Variants in ANO5 observed in about 807,000 individuals in gnomAD.
ANO5 encodes anoctamin 5.
In ANO5, 109 loss-of-function variants were observed where a neutral mutation model predicts 121.0. That is an observed-to-expected ratio of 0.90 (90% CI 0.77 to 1.06). The LOEUF (loss-of-function observed/expected upper bound fraction) is 1.06, where lower values mean the gene tolerates loss of function less well. Ranked by LOEUF, ANO5 falls within the 50% of genes least tolerant of loss-of-function variation. ANO5 has a pLI of 0.00. For synonymous variants in ANO5, 406 were observed against 359.9 expected (o/e 1.13, Z -1.45); for missense variants, 1,064 against 1,078.5 (o/e 0.99, Z 0.19).
chr11:22,226,150 T>A, intron 6 of ANO5, 98 bp downstream of exon 6: 1 of 964,442 alleles, frequency 1.0e-6, no homozygotes, highest in South Asian at 1.4e-5. Flanking sequence ...TTGGGGGCAA[T>A]ACAATAGCTC....
At chr11:22,205,030 A>T (rs567296042) in intron 2 of ANO5, among the ~76,000 whole-genome samples, 1 of 152,286 alleles carries the variant, frequency 6.6e-6, no homozygotes, top group African/African-American at 2.4e-5. Context: ...AAATGACAAG[A>T]TCATGTCCTT....
chr11:22,222,942 G>C (rs897548070), intron 5 of ANO5, among the ~76,000 whole-genome samples: 6 of 151,894 alleles, frequency 4.0e-5, no homozygotes, highest in African/African-American at 1.5e-4. Flanking sequence ...CTGTCTTCAA[G>C]CTTAGCTGAT....
chr11:22,227,626 G>A (rs995753309), intron 7 of ANO5, 40 bp downstream of exon 7: 10 of 1,600,748 alleles, frequency 6.2e-6, no homozygotes, highest in African/African-American at 4.0e-5. Context: ...CTTCAAATAC[G>A]AGATGTATGC....
At chr11:22,276,024 T>C in intron 20 of ANO5, 70 bp from the exon 21 acceptor site, 1 of 1,040,482 alleles carries the variant, frequency 9.6e-7, no homozygotes. Flanking sequence ...TAAGAAATTA[T>C]GTGAGGTCTC....
intron 9 of ANO5, among the ~76,000 whole-genome samples, chr11:22,240,201 G>A (rs1468753094): frequency 2.0e-5 from 3 of 151,972 alleles, no homozygotes; most frequent in Non-Finnish European, 2.9e-5. Flanking sequence ...TCAGTGAGCT[G>A]TGAAGACATT....
rs764082792 is a variant in ANO5, at chr11:22,282,712, A to G, written c.*2947A>G. On this transcript the variant is annotated 3_prime_UTR_variant, in exon 22 of 22. Coordinates refer to ENST00000324559, the MANE Select transcript of ANO5 (RefSeq NM_213599.3). ...TCAATGTGACCACTATTATGTGTCA[A>G]AATAAAACTTAGATTCCAAAGTGGT... 1 of 152,194 alleles carries G rather than the reference A, an allele frequency of 6.6e-6. No homozygotes were observed. The highest frequency in any genetic ancestry group is 1.5e-5 in the Non-Finnish European group (1 of 68,010). The allele number at this position is 152,194 out of a possible 1,614,324, so 9.4% of individuals were successfully genotyped here. A position where few individuals can be genotyped will look rare whatever the true frequency, so the allele number is the denominator to read the frequency against.
rs886042217 is a variant in ANO5, at chr11:22,257,670, A to C, written c.1333-10A>C. ...TTTTGAATTTCTTTGTGATTTCTTC[A>C]ATATTACAGGAGATGGAACCTTACA... is the stretch of plus-strand genomic sequence containing the variant. On this transcript the variant is annotated splice_polypyrimidine_tract_variant and intron_variant, in intron 13 of 21. Transcript: ENST00000324559. The C allele has an allele frequency of 2.5e-6, 4 of 1,601,792 alleles. No individual in the cohort carries two copies. In the South Asian group the frequency reaches 3.3e-5, roughly 13 times the overall value.
intron 1 of ANO5, among the ~76,000 whole-genome samples, chr11:22,198,675 G>C (rs1403864519): frequency 6.6e-6 from 1 of 152,052 alleles, no homozygotes. Context: ...CTTAAGGTTT[G>C]CAGTTGCTTG....
At chr11:22,197,007 TAAG>T (rs1297334822) in intron 1 of ANO5, among the ~76,000 whole-genome samples, 11 of 152,256 alleles carry the variant, frequency 7.2e-5, no homozygotes, top group African/African-American at 2.2e-4. Flanking sequence ...TTTTAAAATA[TAAG>T]AAGACTTTTT....
In ANO5 at chr11:22,282,851, T is replaced by C. The variant is rs528691909; in HGVS notation, c.*3086T>C. 2.0e-5 allele frequency: 3 copies of C among 152,248 alleles called. No individual in the cohort carries two copies. Among genetic ancestry groups the C allele is most frequent in the African/African-American group, 7.2e-5 (3 of 41,566 alleles). The allele number at this position is 152,248 out of a possible 1,614,324, so 9.4% of individuals were successfully genotyped here. Reference sequence around the variant, plus strand: ...GGGAATCTATTGTTTTGAAAGAAACTCTCTCATATTTCCTTTAAATTGTTA... The same window carrying C: ...GGGAATCTATTGTTTTGAAAGAAACCCTCTCATATTTCCTTTAAATTGTTA... On this transcript the variant is annotated 3_prime_UTR_variant, in exon 22 of 22. Coordinates refer to ENST00000324559, the MANE Select transcript of ANO5 (RefSeq NM_213599.3).
chr11:22,225,860 T>A (rs1852808975), intron 5 of ANO5, 124 bp from the exon 6 acceptor site: 1 of 700,626 alleles, frequency 1.4e-6, no homozygotes, highest in Non-Finnish European at 2.5e-6. Flanking sequence ...AGCATTTTTA[T>A]ATACAACCAT....
intron 21 of ANO5, among the ~76,000 whole-genome samples, chr11:22,277,211 G>A (rs1426292317): frequency 1.3e-5 from 2 of 150,952 alleles, no homozygotes; most frequent in African/African-American, 2.4e-5. Context: ...AAAGAGAGAG[G>A]GGGAAAAAAA....
intron 18 of ANO5, among the ~76,000 whole-genome samples, chr11:22,271,376 C>T (rs948538899): frequency 6.6e-6 from 1 of 152,164 alleles, no homozygotes; most frequent in Admixed American, 6.5e-5. Flanking sequence ...CCTTTCAAGG[C>T]CCATAAAACC....
At chr11:22,278,597 G>C (rs547607677) in intron 21 of ANO5, among the ~76,000 whole-genome samples, 2 of 149,588 alleles carry the variant, frequency 1.3e-5, no homozygotes, top group East Asian at 3.9e-4. Flanking sequence ...TCATGTTTAA[G>C]AGTGTGGAAG....
intron 2 of ANO5, among the ~76,000 whole-genome samples, chr11:22,204,348 TACAA>T (rs1337512193): frequency 6.6e-6 from 1 of 152,102 alleles, no homozygotes; most frequent in African/African-American, 2.4e-5. Context: ...TTAAGAACCA[TACAA>T]ACAATTTATA....
At chr11:22,200,741 A>G (rs956156912) in intron 1 of ANO5, among the ~76,000 whole-genome samples, 1 of 152,194 alleles carries the variant, frequency 6.6e-6, no homozygotes. Flanking sequence ...TATTATTATA[A>G]AACTTTAAAT....
intron 13 of ANO5, among the ~76,000 whole-genome samples, chr11:22,256,296 T>C (rs1354590208): frequency 6.6e-6 from 1 of 152,158 alleles, no homozygotes; most frequent in African/African-American, 2.4e-5. Flanking sequence ...GAGAATAATA[T>C]GTGTCCTAAA....
At chr11:22,258,138 A>C (rs1854064874) in intron 14 of ANO5, among the ~76,000 whole-genome samples, 1 of 152,084 alleles carries the variant, frequency 6.6e-6, no homozygotes, top group Admixed American at 6.6e-5. Context: ...CCTTTTTCCA[A>C]ATGTGTTCCC....
At chr11:22,205,066 G>A (rs994286062) in intron 2 of ANO5, among the ~76,000 whole-genome samples, 1 of 152,058 alleles carries the variant, frequency 6.6e-6, no homozygotes. Flanking sequence ...GGAGTTGGAG[G>A]CCCATTACCT....
Sources: gnomAD v4.1 joint callset for allele counts (sites outside exome capture counted in the v4.1 genomes callset) on GRCh38, gnomAD v4.1.1 for gene constraint, MANE v1.5 for transcripts, NCBI Gene and HGNC (gene_info 2026-07-23, HGNC 2026-07-21) for gene names.